The following CSMD1 variants were observed in gnomAD, a reference collection of about 807,000 sequenced individuals.
The protein encoded by CSMD1 is CUB and sushi domain-containing protein 1.
CSMD1 carries 213 observed loss-of-function variants against 417.5 expected under a neutral mutation model. The ratio of observed to expected loss-of-function variants is 0.51; its 90% confidence interval spans 0.46 to 0.57. The LOEUF is 0.57. Among genes scored for constraint, CSMD1 ranks in the 20% least tolerant of loss-of-function variants. The pLI is 0.00. For missense variants in CSMD1, 6,923 were observed against 4,529.7 expected (o/e 1.53, Z -15.17); for synonymous variants, 2,862 against 1,736.8 (o/e 1.65, Z -16.11).
At chr8:4,454,751 G>C (rs192072145) in intron 2 of CSMD1, among the ~76,000 whole-genome samples, 2 of 152,154 alleles carry the variant, frequency 1.3e-5, no homozygotes, top group African/African-American at 2.4e-5. Flanking sequence ...CGTTTAGAAA[G>C]GAAGAATGTC....
chr8:3,220,300 T>G (rs1349297876), intron 28 of CSMD1, among the ~76,000 whole-genome samples: 2 of 152,216 alleles, frequency 1.3e-5, no homozygotes, highest in African/African-American at 2.4e-5. Context: ...TTTCTCTCAC[T>G]TTCTCCATTT....
At chr8:4,473,762 T>A (rs968491658) in intron 2 of CSMD1, among the ~76,000 whole-genome samples, 3 of 152,156 alleles carry the variant, frequency 2.0e-5, no homozygotes, top group Non-Finnish European at 4.4e-5. Context: ...TTCAACCAAA[T>A]GGCTTTGGGT....
chr8:4,931,753 G>C (rs886853950), intron 1 of CSMD1, among the ~76,000 whole-genome samples: 4 of 152,188 alleles, frequency 2.6e-5, no homozygotes, highest in African/African-American at 9.6e-5. Flanking sequence ...AAGCAATTTG[G>C]AGAGAATGGC....
At chr8:4,297,170 A>G (rs1014579605) in intron 3 of CSMD1, among the ~76,000 whole-genome samples, 4 of 152,166 alleles carry the variant, frequency 2.6e-5, no homozygotes, top group African/African-American at 9.6e-5. Context: ...AGTCATGAAT[A>G]TACTTTTACA....
intron 5 of CSMD1, among the ~76,000 whole-genome samples, chr8:3,916,781 C>G (rs1039808566): frequency 2.0e-5 from 3 of 152,106 alleles, no homozygotes; most frequent in East Asian, 1.9e-4. Flanking sequence ...AATTGAGTGG[C>G]TCAATTTCAA....
intron 2 of CSMD1, among the ~76,000 whole-genome samples, chr8:4,437,446 A>C (rs1445847905): frequency 2.0e-5 from 3 of 152,188 alleles, no homozygotes; most frequent in Non-Finnish European, 4.4e-5. Context: ...GTAAAATCAG[A>C]AACATTCACC....
At chr8:4,968,464 C>G (rs1229874615) in intron 1 of CSMD1, among the ~76,000 whole-genome samples, 2 of 152,082 alleles carry the variant, frequency 1.3e-5, no homozygotes, top group Admixed American at 1.3e-4. Context: ...ACTGCAAAGA[C>G]CTCTACTGCA....
In CSMD1 at chr8:3,759,089, G is replaced by C. The variant is rs1284367429; in HGVS notation, c.819-5047C>G. Among the ~76,000 whole-genome samples, 5 of 152,304 alleles carry C rather than the reference G, an allele frequency of 3.3e-5. No homozygotes were observed. In the East Asian group the frequency reaches 9.6e-4, roughly 29 times the overall value. On this transcript the variant is annotated intron_variant, in intron 5 of 69. Transcript: ENST00000635120. ...GCTGACACCTTGATTGTAGATGTGA[G>C]ATTTCTAATCTATTTACTGAACATA...
intron 26 of CSMD1, among the ~76,000 whole-genome samples, chr8:3,237,342 C>T (rs1585745778): frequency 6.6e-6 from 1 of 151,630 alleles, no homozygotes; most frequent in South Asian, 2.1e-4. Context: ...TGGTGTGTGT[C>T]TGTAATCTCA....
At chr8:4,558,065 C>T (rs554231787) in intron 2 of CSMD1, among the ~76,000 whole-genome samples, 4 of 152,104 alleles carry the variant, frequency 2.6e-5, no homozygotes, top group Admixed American at 1.3e-4. Context: ...ACTGACTCAG[C>T]GATGAATCAA....
chr8:4,628,671 C>T (rs1339900838), intron 2 of CSMD1, among the ~76,000 whole-genome samples: 8 of 151,620 alleles, frequency 5.3e-5, no homozygotes, highest in African/African-American at 1.9e-4. Flanking sequence ...CCTACTGTTT[C>T]TGGATGAAGG....
chr8:3,946,247 T>C (rs76610189), intron 5 of CSMD1, among the ~76,000 whole-genome samples: 6,542 of 152,268 alleles, frequency 0.043, 179 homozygotes, highest in Middle Eastern at 0.082. Flanking sequence ...CATCTTGATA[T>C]TGTAATTTCC....
chr8:4,002,643 A>G (rs184336891), intron 4 of CSMD1, among the ~76,000 whole-genome samples: 100 of 152,320 alleles, frequency 6.6e-4, no homozygotes, highest in Non-Finnish European at 1.2e-3. Context: ...ACATATCGCT[A>G]AAGGATAAAA....
chr8:3,387,725 T>C, intron 17 of CSMD1, 43 bp from the exon 18 acceptor site: 3 of 1,512,524 alleles, frequency 2.0e-6, no homozygotes, highest in Non-Finnish European at 2.7e-6. Context: ...ATCTTTCTGG[T>C]TGATTGAAAA....
chr8:3,196,670 G>C (rs568061912), intron 33 of CSMD1, among the ~76,000 whole-genome samples: 2 of 152,130 alleles, frequency 1.3e-5, no homozygotes. Flanking sequence ...GGGGGTGAAA[G>C]GTTGGGCAGG....
At chr8:4,034,597 C>G (rs1585175021) in intron 3 of CSMD1, among the ~76,000 whole-genome samples, 1 of 152,136 alleles carries the variant, frequency 6.6e-6, no homozygotes, top group Non-Finnish European at 1.5e-5. Context: ...AATGCCTTGT[C>G]CATCAGCTGA....
intron 2 of CSMD1, among the ~76,000 whole-genome samples, chr8:4,626,174 G>A (rs1463864750): frequency 6.6e-6 from 1 of 152,126 alleles, no homozygotes; most frequent in Admixed American, 6.6e-5. Flanking sequence ...TTTTCAGCAG[G>A]CCAAGGTTTT....
chr8:4,717,493 T>C (rs1192919071), intron 1 of CSMD1, among the ~76,000 whole-genome samples: 1 of 151,784 alleles, frequency 6.6e-6, no homozygotes, highest in Non-Finnish European at 1.5e-5. Flanking sequence ...TTTCTATATA[T>C]GTATCTACCT....
intron 9 of CSMD1, among the ~76,000 whole-genome samples, chr8:3,582,185 A>G (rs2116978519): frequency 6.6e-6 from 1 of 152,352 alleles, no homozygotes; most frequent in South Asian, 2.1e-4. Flanking sequence ...ACGTGTCAAC[A>G]GCAAAGAACG....
Sources: allele counts gnomAD v4.1 joint callset (sites outside exome capture counted in the v4.1 genomes callset), GRCh38; gene constraint gnomAD v4.1.1; transcripts MANE v1.5; gene names NCBI Gene and HGNC (gene_info 2026-07-23, HGNC 2026-07-21).